Variants in ATAD3C observed in about 807,000 individuals in gnomAD.
The protein encoded by ATAD3C is ATPase family AAA domain containing 3C, also known as ATPase family AAA domain-containing protein 3C.
A neutral mutation model predicts 46.3 loss-of-function variants in ATAD3C; 38 were observed. That is an observed-to-expected ratio of 0.82 (90% CI 0.63 to 1.08). The LOEUF is 1.08. ATAD3C is among the 50% of genes least tolerant of loss of function. The pLI, the probability that ATAD3C is intolerant of heterozygous loss-of-function variation, is 0.00. For synonymous variants in ATAD3C, 220 were observed against 236.4 expected, an observed-to-expected ratio of 0.93 and a Z score of 0.63; for missense variants, 563 against 572.7, an observed-to-expected ratio of 0.98 and a Z score of 0.17.
At chr1:1,457,353 G>T (rs1010207096) in intron 8 of ATAD3C, among the ~76,000 whole-genome samples, 173 bp downstream of exon 8, 4 of 151,780 alleles carry the variant, frequency 2.6e-5, no homozygotes, top group African/African-American at 9.7e-5. Flanking sequence ...CCAGCACTTT[G>T]GGAGGCCGAG....
intron 11 of ATAD3C, among the ~76,000 whole-genome samples, chr1:1,466,962 G>A (rs1329390817): frequency 1.3e-5 from 2 of 152,038 alleles, no homozygotes; most frequent in African/African-American, 2.4e-5. Context: ...GAATTCACAT[G>A]TGAAGACATC....
At chr1:1,456,887 C>T (rs1192823068) in intron 7 of ATAD3C, among the ~76,000 whole-genome samples, 1 of 151,904 alleles carries the variant, frequency 6.6e-6, no homozygotes, top group African/African-American at 2.4e-5. Context: ...AGACCTGTCC[C>T]TGGTGTGGAC....
chr1:1,455,924 T>C lies in ATAD3C; in HGVS notation c.564+8T>C, dbSNP rs1695873. The C allele has an allele frequency of 0.24, 381,388 of 1,611,684 alleles. 59,364 individuals are homozygous for C. Among genetic ancestry groups the C allele is most frequent in the East Asian group, 0.53 (23,931 of 44,784 alleles). On this transcript the variant is annotated splice_region_variant and intron_variant, in intron 6 of 11. Coordinates refer to ENST00000378785, the MANE Select transcript of ATAD3C (RefSeq NM_001039211.3). ...AAGACGCTGTTTGCCAAGGTGAGAG[T>C]GCCTAGCTGAACAGGTGGGCCAGGG...
chr1:1,458,745 G>A (rs1479768768), intron 8 of ATAD3C, among the ~76,000 whole-genome samples: 1 of 147,090 alleles, frequency 6.8e-6, no homozygotes, highest in African/African-American at 2.5e-5. Context: ...TTTTTTTTGA[G>A]ACAGTCTCAC....
intron 11 of ATAD3C, among the ~76,000 whole-genome samples, chr1:1,467,834 A>C (rs1639169132): frequency 6.6e-6 from 1 of 152,052 alleles, no homozygotes; most frequent in Non-Finnish European, 1.5e-5. Context: ...AGGCTGCCTG[A>C]AGCCACACCA....
chr1:1,463,988 T>C (rs1570158280), intron 11 of ATAD3C, among the ~76,000 whole-genome samples: 1 of 151,498 alleles, frequency 6.6e-6, no homozygotes, highest in African/African-American at 2.4e-5. Context: ...GAGAATCACT[T>C]GAGGCCAGGA....
At chr1:1,454,842 G>A (rs140136291) in intron 4 of ATAD3C, among the ~76,000 whole-genome samples, 2,002 of 151,922 alleles carry the variant, frequency 0.013, 44 homozygotes, top group Non-Finnish European at 0.021. Flanking sequence ...GGGGAGCCGC[G>A]CCGTTTGCCA....
rs547218920 is a variant in ATAD3C, at chr1:1,468,808, G to A, written c.*278G>A. ...GCTGCCACGGCGGGGCCGGGTGCCC[G>A]TGCCCCATCCTGAGGCCGTGCATAC... On this transcript the variant is annotated 3_prime_UTR_variant, in exon 12 of 12. Transcript: ENST00000378785. The A allele has an allele frequency of 1.5e-4, 75 of 511,684 alleles. No homozygotes were observed. The highest frequency in any genetic ancestry group is 3.2e-4 in the East Asian group (7 of 21,810). The allele number at this position is 511,684 out of a possible 1,614,324, so 31.7% of individuals were successfully genotyped here. A position where few individuals can be genotyped will look rare whatever the true frequency, so the allele number is the denominator to read the frequency against.
At chr1:1,464,026 G>C (rs1463834576) in intron 11 of ATAD3C, among the ~76,000 whole-genome samples, 1 of 150,756 alleles carries the variant, frequency 6.6e-6, no homozygotes, top group Non-Finnish European at 1.5e-5. Flanking sequence ...CCAACATGTC[G>C]AACTCCACCT....
Position 1,468,895 on chromosome 1 carries a change from A to C in ATAD3C, c.*365A>C, listed in dbSNP as rs1298109998. 14 of 279,414 alleles carry C rather than the reference A, an allele frequency of 5.0e-5. No individual in the cohort carries two copies. Among genetic ancestry groups the C allele is most frequent in the African/African-American group, 2.5e-4 (11 of 43,538 alleles). 17.3% of individuals were successfully genotyped at this position (279,414 alleles called of 1,614,324 possible). On this transcript the variant is annotated 3_prime_UTR_variant, in exon 12 of 12. Coordinates refer to ENST00000378785, the MANE Select transcript of ATAD3C (RefSeq NM_001039211.3). ...CTGCCTGTGGCCAGACACACGGTGG[A>C]GGGAAGTGCACGCGAAACAGACACA... is the stretch of plus-strand genomic sequence containing the variant.
chr1:1,466,276 G>C (rs554180728), intron 11 of ATAD3C, among the ~76,000 whole-genome samples: 1 of 150,716 alleles, frequency 6.6e-6, no homozygotes, highest in Non-Finnish European at 1.5e-5. Context: ...GGCTGGGCGC[G>C]GTGGCTCACG....
intron 11 of ATAD3C, among the ~76,000 whole-genome samples, chr1:1,465,589 T>TA (rs1156747431): frequency 0.016 from 1,749 of 110,442 alleles, 22 homozygotes; most frequent in Middle Eastern, 0.028. Context: ...AGACTGTCTT[T>TA]AAAAAAAAAA....
Position 1,454,500 on chromosome 1 carries a change from G to A in ATAD3C, c.378G>A (p.Gln126=). ...TTGAGGCGCTGCGGCACCCCATCCAGGTAGCGGCGCAGGCCTGGCCCTCCC... is the reference window on the plus strand; with the variant it reads ...TTGAGGCGCTGCGGCACCCCATCCAAGTAGCGGCGCAGGCCTGGCCCTCCC... ...TVLEALRHPI[Q]QVSRRLLSRP... The change falls in exon 4 of 12, where the codon CAG becomes CAA. Residue 126 remains glutamine (Q), a splice_region_variant and synonymous_variant. Coordinates refer to ENST00000378785, the MANE Select transcript of ATAD3C (RefSeq NM_001039211.3). 3 of 1,607,510 alleles carry A rather than the reference G, an allele frequency of 1.9e-6. No individual in the cohort carries two copies. The highest frequency in any genetic ancestry group is 2.2e-5 in the East Asian group (1 of 44,682).
At chr1:1,455,600 C>G (rs1638945889) in intron 5 of ATAD3C, 81 bp downstream of exon 5, 1 of 1,599,712 alleles carries the variant, frequency 6.3e-7, no homozygotes, top group Non-Finnish European at 8.5e-7. Flanking sequence ...TGCTGGCGCT[C>G]CTGGTGGCGC....
Position 1,459,157 on chromosome 1 carries a change from G to T in ATAD3C, c.742-4G>T, listed in dbSNP as rs1192480150. 2 of 1,610,570 alleles carry T rather than the reference G, an allele frequency of 1.2e-6. No individual in the cohort carries two copies. The highest frequency in any genetic ancestry group is 1.7e-5 in the Admixed American group (1 of 59,460). ...TGCCTAAGGCTGGAACCTTCTCTCT[G>T]CAGGAGAAGATAAGCGAGGACCTCA... On this transcript the variant is annotated splice_region_variant and splice_polypyrimidine_tract_variant and intron_variant, in intron 8 of 11. Coordinates refer to ENST00000378785, the MANE Select transcript of ATAD3C (RefSeq NM_001039211.3). The surrounding 1 kb of genome is among the most constrained non-coding windows in gnomAD (Gnocchi z 4.9).
chr1:1,457,132 C>G lies in ATAD3C; in HGVS notation c.693C>G (p.Leu231=), dbSNP rs1638975691. The G allele has an allele frequency of 1.2e-6, 2 of 1,613,434 alleles. No individual in the cohort carries two copies. Among genetic ancestry groups the G allele is most frequent in the Non-Finnish European group, 1.7e-6 (2 of 1,179,654 alleles). ...TTGGCCTCCCTCTCGTCCACAGCCTCCTGCTCTTTGTGGATGAAGCGGACG... is the reference window on the plus strand; with the variant it reads ...TTGGCCTCCCTCTCGTCCACAGCCTGCTGCTCTTTGTGGATGAAGCGGACG... ...FDWANTSRRG[L]LLFVDEADAF... is the part of the protein sequence containing the mutation. Residue 231 remains leucine, a synonymous_variant, in exon 8 of 12, where the codon CTC becomes CTG. Coordinates refer to ENST00000378785, the MANE Select transcript of ATAD3C (RefSeq NM_001039211.3).
intron 5 of ATAD3C, 116 bp from the exon 6 acceptor site, chr1:1,455,675 C>A (rs921590319): frequency 5.1e-6 from 8 of 1,558,570 alleles, no homozygotes; most frequent in Middle Eastern, 1.7e-4. Context: ...AGGCTGCCCA[C>A]GAGCTGGGTG....
chr1:1,468,702 G>C lies in ATAD3C; in HGVS notation c.*172G>C. ...GTTTGGGGCCCCCTAACGTCCCCCT[G>C]GGGTCAAAGGTGACAGAAAAGGCAG... On this transcript the variant is annotated 3_prime_UTR_variant, in exon 12 of 12. Transcript: ENST00000378785. 1 of 1,199,366 alleles carries C rather than the reference G, an allele frequency of 8.3e-7. No homozygotes were observed. The highest frequency in any genetic ancestry group is 1.2e-6 in the Non-Finnish European group (1 of 855,546). The allele number at this position is 1,199,366 out of a possible 1,614,324, so 74.3% of individuals were successfully genotyped here. A position where few individuals can be genotyped will look rare whatever the true frequency, so the allele number is the denominator to read the frequency against.
chr1:1,455,543 G>T, intron 5 of ATAD3C, 24 bp downstream of exon 5: 4 of 1,612,006 alleles, frequency 2.5e-6, no homozygotes, highest in Non-Finnish European at 3.4e-6. Flanking sequence ...CCTGGGACCG[G>T]GGAGGCGCAG....
Sources: gnomAD v4.1 joint callset for allele counts (sites outside exome capture counted in the v4.1 genomes callset) on GRCh38, gnomAD v4.1.1 for gene constraint, Gnocchi (gnomAD v3.1) non-coding constraint, MANE v1.5 for transcripts, NCBI Gene and HGNC (gene_info 2026-07-23, HGNC 2026-07-21) for gene names.